GABRG3: variants seen among roughly 807,000 people sequenced by gnomAD.
GABRG3 encodes the protein gamma-aminobutyric acid receptor subunit gamma-3.
In GABRG3, 25 loss-of-function variants were observed where a neutral mutation model predicts 48.8. That is an observed-to-expected ratio of 0.51 (90% CI 0.37 to 0.72). The LOEUF is 0.72. Among genes scored for constraint, GABRG3 ranks in the 30% least tolerant of loss-of-function variants. The probability of loss-of-function intolerance (pLI) is 0.00; values close to 1 mark genes in which losing one functional copy is unlikely to be tolerated. For missense variants in GABRG3, 394 were observed against 577.9 expected (o/e 0.68, Z 3.26); for synonymous variants, 227 against 217.6 (o/e 1.04, Z -0.38).
At chr15:27,154,330 T>TTTC (rs1288784317) in intron 3 of GABRG3, among the ~76,000 whole-genome samples, 1 of 152,186 alleles carries the variant, frequency 6.6e-6, no homozygotes, top group African/African-American at 2.4e-5. Flanking sequence ...GTGCCTTTTA[T>TTTC]TTCTTTCTTT....
At chr15:27,307,261 T>C (rs867000526) in intron 3 of GABRG3, among the ~76,000 whole-genome samples, 1 of 40,118 alleles carries the variant, frequency 2.5e-5, no homozygotes, top group Non-Finnish European at 5.9e-5. Flanking sequence ...CATGTTCATA[T>C]TATATGTTTA....
intron 5 of GABRG3, among the ~76,000 whole-genome samples, chr15:27,439,482 A>G (rs1888717824): frequency 6.6e-6 from 1 of 152,114 alleles, no homozygotes; most frequent in Admixed American, 6.5e-5. Context: ...CCCCCTACAG[A>G]CAAACACTAC....
intron 3 of GABRG3, among the ~76,000 whole-genome samples, chr15:27,136,088 A>C (rs1232836010): frequency 6.6e-6 from 1 of 152,192 alleles, no homozygotes; most frequent in Non-Finnish European, 1.5e-5. Flanking sequence ...ACAGCTCCTT[A>C]ATGTCCTGAA....
At chr15:27,279,046 T>C (rs754699500) in intron 3 of GABRG3, among the ~76,000 whole-genome samples, 9 of 152,208 alleles carry the variant, frequency 5.9e-5, no homozygotes, top group Non-Finnish European at 1.2e-4. Flanking sequence ...CTAAGGTTAA[T>C]GAAGTTGTAT....
chr15:27,130,000 A>G (rs57637925), intron 3 of GABRG3, among the ~76,000 whole-genome samples: 4,704 of 152,148 alleles, frequency 0.031, 265 homozygotes, highest in African/African-American at 0.11. Flanking sequence ...CTCACATGCT[A>G]TATGTTGTCT....
intron 5 of GABRG3, among the ~76,000 whole-genome samples, chr15:27,373,848 C>A (rs948535440): frequency 2.0e-5 from 3 of 152,082 alleles, no homozygotes; most frequent in African/African-American, 7.2e-5. Context: ...CATCAGTTCT[C>A]CTGATCAGGT....
At chr15:27,049,175 C>G (rs996352970) in intron 3 of GABRG3, among the ~76,000 whole-genome samples, 6 of 152,342 alleles carry the variant, frequency 3.9e-5, no homozygotes, top group African/African-American at 1.2e-4. Context: ...TCTTGATGTG[C>G]GTAACCGTTT....
At chr15:27,212,549 C>T (rs1889109643) in intron 3 of GABRG3, among the ~76,000 whole-genome samples, 1 of 152,064 alleles carries the variant, frequency 6.6e-6, no homozygotes, top group South Asian at 2.1e-4. Context: ...AAAGAAAATC[C>T]TCATGCTCAT....
At chr15:27,299,275 A>C (rs1204090159) in intron 3 of GABRG3, among the ~76,000 whole-genome samples, 1 of 151,920 alleles carries the variant, frequency 6.6e-6, no homozygotes, top group Non-Finnish European at 1.5e-5. Context: ...CAAGAGCAAA[A>C]CTCCATCTCA....
chr15:27,148,591 G>A (rs1453582985), intron 3 of GABRG3, among the ~76,000 whole-genome samples: 1 of 151,910 alleles, frequency 6.6e-6, no homozygotes, highest in Non-Finnish European at 1.5e-5. Flanking sequence ...AAATACTGTT[G>A]CAAAGATTCT....
chr15:27,488,815 C>G (rs12440271), intron 6 of GABRG3, among the ~76,000 whole-genome samples: 16 of 152,188 alleles, frequency 1.1e-4, no homozygotes, highest in Middle Eastern at 3.4e-3. Flanking sequence ...ATTTTAGTAG[C>G]TACACTTCAC....
intron 9 of GABRG3, among the ~76,000 whole-genome samples, chr15:27,530,066 C>A (rs1374977404): frequency 6.6e-6 from 1 of 152,134 alleles, no homozygotes; most frequent in Admixed American, 6.5e-5. Context: ...GGTCTGCAGC[C>A]TTATGCTAGT....
At chr15:27,256,798 T>C (rs1002896369) in intron 3 of GABRG3, among the ~76,000 whole-genome samples, 13 of 152,162 alleles carry the variant, frequency 8.5e-5, no homozygotes, top group African/African-American at 3.1e-4. Flanking sequence ...GAGTGAGTTA[T>C]GTTAGTTCTT....
At chr15:27,426,712 G>C (rs995892761) in intron 5 of GABRG3, among the ~76,000 whole-genome samples, 2 of 152,146 alleles carry the variant, frequency 1.3e-5, no homozygotes, top group East Asian at 1.9e-4. Context: ...CACACCTGTA[G>C]TCCCAGCTAC....
chr15:27,189,937 T>G (rs949819263), intron 3 of GABRG3, among the ~76,000 whole-genome samples: 3 of 151,986 alleles, frequency 2.0e-5, no homozygotes, highest in Non-Finnish European at 4.4e-5. Flanking sequence ...TAGCATGAAG[T>G]GTTGTTGAAT....
intron 5 of GABRG3, among the ~76,000 whole-genome samples, chr15:27,338,439 G>A (rs1476602307): frequency 6.6e-6 from 1 of 152,162 alleles, no homozygotes; most frequent in Non-Finnish European, 1.5e-5. Flanking sequence ...ACCGATTTAA[G>A]ATGATCAAGT....
At chr15:27,039,177 G>A (rs146313444) in intron 3 of GABRG3, among the ~76,000 whole-genome samples, 8 of 152,332 alleles carry the variant, frequency 5.3e-5, no homozygotes, top group Admixed American at 5.2e-4. Context: ...GTTTCCTGCT[G>A]AAGGCAGGTC....
chr15:27,216,733 C>CTTTTTT (rs200517386), intron 3 of GABRG3, among the ~76,000 whole-genome samples: 1 of 103,898 alleles, frequency 9.6e-6, no homozygotes, highest in Non-Finnish European at 2.0e-5. Context: ...CAATTCATTT[C>CTTTTTT]TTTTTTTTTT....
rs1893343714 is a variant in GABRG3 at position 27,319,411 on chromosome 15, G to T, written c.271-7398G>T. Reference sequence around the variant, plus strand: ...ACTGACTCCTAGTAATTTGTAGTAAGTGCAAGTTATTACCAACACAGGTCA... The same window carrying T: ...ACTGACTCCTAGTAATTTGTAGTAATTGCAAGTTATTACCAACACAGGTCA... On this transcript the variant is annotated intron_variant, in intron 3 of 9. Transcript: ENST00000615808. The surrounding 1 kb of genome is among the most constrained non-coding windows in gnomAD (Gnocchi z 4.4). Among the ~76,000 whole-genome samples, 1 of 152,216 alleles carries T rather than the reference G, an allele frequency of 6.6e-6. No homozygotes were observed. The highest frequency in any genetic ancestry group is 1.5e-5 in the Non-Finnish European group (1 of 68,036).
Sources: allele counts gnomAD v4.1 joint callset (sites outside exome capture counted in the v4.1 genomes callset), GRCh38; gene constraint gnomAD v4.1.1; non-coding constraint Gnocchi (gnomAD v3.1); transcripts MANE v1.5; gene names NCBI Gene and HGNC (gene_info 2026-07-23, HGNC 2026-07-21).